Variants in DYNLL1 observed in about 807,000 individuals in gnomAD.
The protein encoded by DYNLL1 is dynein light chain LC8-type 1, also known as dynein light chain 1, cytoplasmic.
A neutral mutation model predicts 10.1 loss-of-function variants in DYNLL1; 3 were observed. The ratio of observed to expected loss-of-function variants is 0.30; its 90% CI spans 0.14 to 0.77. DYNLL1 has a LOEUF of 0.77. DYNLL1 is among the 30% of genes least tolerant of loss of function. The pLI, the probability that DYNLL1 is intolerant of heterozygous loss-of-function variation, is 0.66. For missense variants in DYNLL1, 47 were observed against 111.7 expected (o/e 0.42, Z 2.61); for synonymous variants, 46 against 41.2 (o/e 1.12, Z -0.45).
At chr12:120,497,950 A>T (rs1868511702) in intron 2 of DYNLL1, 123 bp from the exon 3 acceptor site, 3 of 951,810 alleles carry the variant, frequency 3.2e-6, no homozygotes, top group Admixed American at 2.9e-5. Context: ...ACATTCTTTC[A>T]TTCTAAGAAT....
upstream of DYNLL1, among the ~76,000 whole-genome samples, chr12:120,493,614 T>A (rs895472863): frequency 6.6e-6 from 1 of 151,382 alleles, no homozygotes; most frequent in African/African-American, 2.4e-5. Flanking sequence ...TTTTATTTTT[T>A]ATTTATTTAT....
At chr12:120,475,747 A>G (rs1251340962) in intron 1 of DYNLL1, among the ~76,000 whole-genome samples, 1 of 152,110 alleles carries the variant, frequency 6.6e-6, no homozygotes, top group Non-Finnish European at 1.5e-5. Context: ...GGAATTTATC[A>G]TTCTCAAAGG....
At chr12:120,474,515 T>C (rs994365395) in intron 1 of DYNLL1, among the ~76,000 whole-genome samples, 2 of 151,054 alleles carry the variant, frequency 1.3e-5, no homozygotes, top group African/African-American at 4.9e-5. Context: ...AAATCACCAC[T>C]AAATAACTTA....
At chr12:120,471,520 G>A (rs1475051968) in intron 1 of DYNLL1, among the ~76,000 whole-genome samples, 4 of 152,158 alleles carry the variant, frequency 2.6e-5, no homozygotes, top group African/African-American at 9.7e-5. Context: ...ACTACTGAGT[G>A]TATATCTTTT....
chr12:120,477,603 T>C (rs924939274), intron 1 of DYNLL1, among the ~76,000 whole-genome samples: 1 of 151,166 alleles, frequency 6.6e-6, no homozygotes, highest in Non-Finnish European at 1.5e-5. Flanking sequence ...AATAAATAAA[T>C]AAAAATAAAT....
upstream of DYNLL1, among the ~76,000 whole-genome samples, chr12:120,495,668 G>A (rs2233674): frequency 9.4e-3 from 1,305 of 138,334 alleles, 15 homozygotes; most frequent in African/African-American, 0.032. Flanking sequence ...AACCTGGGGT[G>A]CGAGATCATG....
chr12:120,487,952 G>A (rs1025517500), intron 1 of DYNLL1, among the ~76,000 whole-genome samples: 1 of 152,170 alleles, frequency 6.6e-6, no homozygotes, highest in African/African-American at 2.4e-5. Context: ...CCTATGTTGA[G>A]GGAGTACTGG....
chr12:120,496,208 T>A lies in DYNLL1; in HGVS notation c.-15T>A. 1.4e-6 allele frequency: 1 copy of A among 696,302 alleles called. No individual in the cohort carries two copies. The highest frequency in any genetic ancestry group is 2.4e-6 in the Non-Finnish European group (1 of 418,994). The allele number at this position is 696,302 out of a possible 1,614,324, so 43.1% of individuals were successfully genotyped here. ...AGACCGTTGCAGTCGGCCAGCCCCC[T>A]TCTCCACGGTGAGAAACTCGGGGGG... is the stretch of plus-strand genomic sequence containing the variant. On this transcript the variant is annotated 5_prime_UTR_variant, in exon 1 of 3. Transcript: ENST00000242577.
At chr12:120,480,160 A>G (rs1878850914) in intron 1 of DYNLL1, among the ~76,000 whole-genome samples, 1 of 152,150 alleles carries the variant, frequency 6.6e-6, no homozygotes, top group South Asian at 2.1e-4. Flanking sequence ...GGGGAGCGGA[A>G]TTCAAAATGT....
intron 1 of DYNLL1, among the ~76,000 whole-genome samples, chr12:120,488,342 T>C (rs1365588770): frequency 6.6e-6 from 1 of 152,076 alleles, no homozygotes. Context: ...AGTTCCCTGC[T>C]TGTATAGATT....
intron 2 of DYNLL1, 105 bp downstream of exon 2, chr12:120,496,658 C>T: frequency 6.3e-7 from 1 of 1,589,864 alleles, no homozygotes; most frequent in Non-Finnish European, 8.6e-7. Flanking sequence ...ATACTGCTGG[C>T]GGCTTGGGGC....
chr12:120,493,626 T>G (rs1455140115), upstream of DYNLL1, among the ~76,000 whole-genome samples: 2 of 151,536 alleles, frequency 1.3e-5, no homozygotes, highest in African/African-American at 4.8e-5. Context: ...TTTATTTATT[T>G]TTTTTGAGAG....
chr12:120,482,615 C>T (rs368346871), intron 1 of DYNLL1, among the ~76,000 whole-genome samples: 6 of 152,044 alleles, frequency 3.9e-5, no homozygotes, highest in Admixed American at 2.0e-4. Context: ...AGCCACCATG[C>T]CCGGCCTAGC....
chr12:120,497,529 A>G (rs550405360), intron 2 of DYNLL1: 2 of 152,706 alleles, frequency 1.3e-5, no homozygotes, highest in African/African-American at 4.8e-5. Flanking sequence ...GGAGTGCTTC[A>G]GTATTGTGTT....
intron 1 of DYNLL1, among the ~76,000 whole-genome samples, chr12:120,482,556 T>C (rs1166070511): frequency 6.6e-6 from 1 of 151,628 alleles, no homozygotes. Context: ...TCTCCTGACC[T>C]TGTGATCCGC....
rs1235190596 is a variant in DYNLL1 at position 120,498,092 on chromosome 12, A to G, written c.152A>G (p.Asn51Ser). Residue 51 changes from asparagine to serine, a missense_variant, in exon 3 of 3, where the codon AAT (asparagine) becomes AGT (serine). Asn to Ser is a conservative substitution (Grantham distance 46, BLOSUM62 1). Coordinates refer to ENST00000242577, the MANE Select transcript of DYNLL1 (RefSeq NM_003746.3). ...HIKKEFDKKY[N>S]PTWHCIVGRN... ...TTCCAGGAATTTGACAAGAAGTACA[A>G]TCCCACCTGGCATTGCATCGTGGGG... The G allele has an allele frequency of 3.7e-6, 6 of 1,614,040 alleles. No homozygotes were observed. Among genetic ancestry groups the G allele is most frequent in the Admixed American group, 1.7e-5 (1 of 59,984 alleles).
chr12:120,492,157 G>A (rs1879149064), upstream of DYNLL1: 1 of 152,182 alleles, frequency 6.6e-6, no homozygotes, highest in Non-Finnish European at 1.5e-5. This position sits in a 1 kb window ranked among gnomAD's most constrained non-coding sequence, Gnocchi z 4.1. Context: ...GAATTGTTAT[G>A]AGAAGCCAAT....
intron 1 of DYNLL1, among the ~76,000 whole-genome samples, chr12:120,478,669 T>C (rs1383521488): frequency 3.4e-5 from 5 of 145,484 alleles, no homozygotes; most frequent in South Asian, 2.4e-4. Context: ...CTGGCCAACA[T>C]GGTGAAACCA....
At chr12:120,493,666 C>G (rs1408734724), upstream of DYNLL1, 18 of 151,022 alleles carry the variant, frequency 1.2e-4, no homozygotes, top group Admixed American at 9.9e-4. Context: ...GGCTGGAGTG[C>G]AGTGGTGCGA....
Sources: allele counts gnomAD v4.1 joint callset (sites outside exome capture counted in the v4.1 genomes callset), GRCh38; gene constraint gnomAD v4.1.1; non-coding constraint Gnocchi (gnomAD v3.1); transcripts MANE v1.5; gene names NCBI Gene and HGNC (gene_info 2026-07-23, HGNC 2026-07-21).